Variants in ARVCF observed in about 807,000 individuals in gnomAD.
The protein encoded by ARVCF is ARVCF delta catenin family member.
ARVCF carries 66 observed loss-of-function variants against 90.9 expected under a neutral mutation model. That is an observed-to-expected ratio of 0.73 (90% CI 0.60 to 0.89). The LOEUF (loss-of-function observed/expected upper bound fraction) is 0.89. Among genes scored for constraint, ARVCF ranks in the 40% least tolerant of loss-of-function variants. The pLI, the probability that ARVCF is intolerant of heterozygous loss-of-function variation, is 0.00. For missense variants in ARVCF, 1,469 were observed against 1,382.3 expected (o/e 1.06, Z -1.00); for synonymous variants, 653 against 603.4 (o/e 1.08, Z -1.21).
intron 2 of ARVCF, among the ~76,000 whole-genome samples, chr22:19,992,555 G>A (rs973608994): frequency 2.0e-5 from 3 of 152,162 alleles, no homozygotes; most frequent in African/African-American, 2.4e-5. Flanking sequence ...CCCCTGGGAC[G>A]GCCAGGGCGG....
downstream of ARVCF, chr22:19,968,658 G>A (rs780473420): frequency 5.6e-6 from 9 of 1,613,918 alleles, no homozygotes; most frequent in Middle Eastern, 3.3e-4. Flanking sequence ...ACTACCAATC[G>A]TTCCTGGAAT....
chr22:19,969,125 A>C, downstream of ARVCF: 1 of 208,800 alleles, frequency 4.8e-6, no homozygotes, highest in Non-Finnish European at 9.8e-6. Context: ...GCTAACGCTA[A>C]GGGCGGGGCC....
chr22:19,967,139 C>T (rs554251690), downstream of ARVCF: 23 of 1,298,456 alleles, frequency 1.8e-5, no homozygotes, highest in Non-Finnish European at 2.3e-5. Flanking sequence ...CCCTTCCCTC[C>T]TTCTTTCCTG....
intron 1 of ARVCF, among the ~76,000 whole-genome samples, chr22:20,015,209 C>T (rs905982888): frequency 2.6e-5 from 4 of 152,192 alleles, no homozygotes; most frequent in African/African-American, 9.7e-5. Flanking sequence ...TCAGCTGGGA[C>T]TTGAGTCCCT....
At chr22:20,009,001 C>T (rs931003383) in intron 2 of ARVCF, among the ~76,000 whole-genome samples, 3 of 152,126 alleles carry the variant, frequency 2.0e-5, no homozygotes, top group African/African-American at 7.2e-5. Flanking sequence ...TGGGCAGCCT[C>T]GGACCTGCCC....
chr22:19,990,872 G>C (rs1429036157), intron 2 of ARVCF, 60 bp from the exon 3 acceptor site: 1 of 1,494,284 alleles, frequency 6.7e-7, no homozygotes, highest in African/African-American at 1.4e-5. Context: ...GGCCATCATG[G>C]GCCCCTGCCC....
chr22:19,980,377 C>T (rs1943427501), intron 5 of ARVCF, 135 bp from the exon 6 acceptor site: 6 of 1,306,616 alleles, frequency 4.6e-6, no homozygotes, highest in Non-Finnish European at 5.0e-6. Context: ...TATCTTGGCC[C>T]GGAGCATGGT....
rs1401997510 is a variant in ARVCF at position 19,981,404 on chromosome 22, C to G, written c.703G>C (p.Ala235Pro). ...CCAGGCTCAGGACCCACCGGGAAGG[C>G]TTCCCGGTGGCCAGGCAGTGTGAAG... is the stretch of plus-strand genomic sequence containing the variant. ...GCFTLPGHRE[A>P]FPVGPEPGPP... The change falls in exon 5 of 20, where the codon GCC (alanine) becomes CCC (proline). Residue 235 changes from alanine to proline, a missense_variant. Physicochemically the swap from Ala to Pro is conservative, Grantham distance 27. Coordinates refer to ENST00000263207, the MANE Select transcript of ARVCF (RefSeq NM_001670.3). The G allele has an allele frequency of 3.2e-6, 5 of 1,584,472 alleles. No individual in the cohort carries two copies. Among genetic ancestry groups the G allele is most frequent in the Non-Finnish European group, 4.3e-6 (5 of 1,167,796 alleles).
At chr22:19,966,959 C>A (rs572098963), downstream of ARVCF, 1 of 985,442 alleles carries the variant, frequency 1.0e-6, no homozygotes, top group African/African-American at 1.7e-5. Flanking sequence ...CAGTCCTGCT[C>A]AGACGCTGAT....
rs745499484 is a variant in ARVCF at position 19,981,744 on chromosome 22, G to A, written c.370-7C>T. The A allele has an allele frequency of 3.8e-6, 6 of 1,559,228 alleles. No homozygotes were observed. The Admixed American group carries it at 7.3e-5, about 19-fold the overall frequency. On this transcript the variant is annotated splice_polypyrimidine_tract_variant and splice_region_variant and intron_variant, in intron 4 of 19. Transcript: ENST00000263207. ...TCTTGACAGTCTTGGTGACCTGGTG[G>A]ATGGATAGGCAGGTAGGTGGGGTAG...
At chr22:19,983,271 C>G (rs1601613038) in intron 3 of ARVCF, among the ~76,000 whole-genome samples, 1 of 152,240 alleles carries the variant, frequency 6.6e-6, no homozygotes, top group Admixed American at 6.5e-5. Flanking sequence ...CCCCTGGTCC[C>G]TGCACAATGG....
At chr22:19,985,649 C>G (rs1943727403) in intron 3 of ARVCF, among the ~76,000 whole-genome samples, 1 of 152,256 alleles carries the variant, frequency 6.6e-6, no homozygotes, top group Admixed American at 6.5e-5. Context: ...CAGAGGGATG[C>G]TGGGGCACAG....
Position 19,976,775 on chromosome 22 carries a change from C to T in ARVCF, c.1871-52G>A, listed in dbSNP as rs1421111950. 3.2e-6 allele frequency: 5 copies of T among 1,548,110 alleles called. No homozygotes were observed. The African/African-American group carries it at 6.8e-5, about 21-fold the overall frequency. On this transcript the variant is annotated intron_variant, in intron 9 of 19. Coordinates refer to ENST00000263207, the MANE Select transcript of ARVCF (RefSeq NM_001670.3). ...AGAGGAGAGGAGCCTGAACAGGCAG[C>T]ACTCATCACCCCCCCATGCCCTCCC...
chr22:19,975,953 TG>T (rs751069400), intron 10 of ARVCF, among the ~76,000 whole-genome samples, 196 bp from the exon 11 acceptor site: 1 of 152,080 alleles, frequency 6.6e-6, no homozygotes, highest in Non-Finnish European at 1.5e-5. Context: ...TTGGTGGCAG[TG>T]GGGCCTGGGG....
downstream of ARVCF, chr22:19,968,792 C>CAG: frequency 6.5e-7 from 1 of 1,537,756 alleles, no homozygotes; most frequent in Non-Finnish European, 8.8e-7. Flanking sequence ...CTGAAGGTGC[C>CAG]AGACGTGCTC....
rs951934111 is a variant in ARVCF, at chr22:19,979,462, C to A, written c.1396+281G>T. ...TGGGGTGGGAACCAAGGAGGTGGGTCCCAGGAGAGTTTCTGTGGGGGCAGG... is the reference window on the plus strand; with the variant it reads ...TGGGGTGGGAACCAAGGAGGTGGGTACCAGGAGAGTTTCTGTGGGGGCAGG... On this transcript the variant is annotated intron_variant, in intron 6 of 19. Transcript: ENST00000263207. 21 of 565,868 alleles carry A rather than the reference C, an allele frequency of 3.7e-5. No homozygotes were observed. In the Admixed American group the frequency reaches 4.0e-4, roughly 11 times the overall value. 35.1% of individuals were successfully genotyped at this position (565,868 alleles called of 1,614,324 possible).
Position 19,975,760 on chromosome 22 carries a change from G to A in ARVCF, c.1889-3C>T, listed in dbSNP as rs775967764. On this transcript the variant is annotated splice_polypyrimidine_tract_variant and splice_region_variant and intron_variant, in intron 10 of 19. Transcript: ENST00000263207. ...GTCCATCTCACCATCCTTCTTTCCTGGAAGGGAAAGGTGGTGGGAGGTGAG... is the reference window on the plus strand; with the variant it reads ...GTCCATCTCACCATCCTTCTTTCCTAGAAGGGAAAGGTGGTGGGAGGTGAG... 6.2e-7 allele frequency: 1 copy of A among 1,613,356 alleles called. No individual in the cohort carries two copies. The highest frequency in any genetic ancestry group is 8.5e-7 in the Non-Finnish European group (1 of 1,179,888).
chr22:19,976,706 C>T lies in ARVCF; in HGVS notation c.1888G>A (p.Gly630Arg). The stretch of plus-strand genomic sequence containing the variant: ...GAGAGCAGGATAAAAAGGGACTCAC[C>T]TTGGTGGAACCACTCCTCTGGGAGG... ...KKAKEEWFHQ[G>R]KKDGEMDRNF... Residue 630 changes from glycine (G) to arginine (R), a missense_variant and splice_region_variant, in exon 10 of 20, where the codon GGA becomes AGA. Physicochemically the swap from Gly to Arg is moderately radical, Grantham distance 125 (BLOSUM62 -2). Transcript: ENST00000263207. The T allele has an allele frequency of 6.4e-7, 1 of 1,560,018 alleles. No individual in the cohort carries two copies. Among genetic ancestry groups the T allele is most frequent in the Non-Finnish European group, 8.7e-7 (1 of 1,151,712 alleles).
intron 6 of ARVCF, 106 bp downstream of exon 6, chr22:19,979,637 G>A (rs1013299025): frequency 9.0e-5 from 130 of 1,441,918 alleles, no homozygotes; most frequent in Non-Finnish European, 1.1e-4. Flanking sequence ...CCTGCCTACC[G>A]GGTGCTTTCC....
Sources: allele counts gnomAD v4.1 joint callset (sites outside exome capture counted in the v4.1 genomes callset), GRCh38; gene constraint gnomAD v4.1.1; transcripts MANE v1.5; gene names NCBI Gene and HGNC (gene_info 2026-07-23, HGNC 2026-07-21).